VPS13C: variants seen among roughly 807,000 people sequenced by gnomAD.
VPS13C encodes vacuolar protein sorting 13 homolog C.
VPS13C carries 358 observed loss-of-function variants against 456.8 expected under a neutral mutation model. The observed-to-expected ratio is 0.78, with a 90% CI of 0.72 to 0.86. The LOEUF is 0.86. Ranked by LOEUF, VPS13C falls within the 40% of genes least tolerant of loss-of-function variation. The probability of loss-of-function intolerance (pLI) is 0.00; values close to 1 mark genes in which losing one functional copy is unlikely to be tolerated. For synonymous variants in VPS13C, 1,578 were observed against 1,486.7 expected, an observed-to-expected ratio of 1.06 and a Z score of -1.41; for missense variants, 4,818 against 4,385.4, an observed-to-expected ratio of 1.10 and a Z score of -2.79.
Position 61,858,192 on chromosome 15 carries a change from G to C in VPS13C, c.10953-1783C>G, listed in dbSNP as rs576054190. Among the ~76,000 whole-genome samples the C allele has an allele frequency of 6.6e-6, 1 of 152,104 alleles. No homozygotes were observed. Among genetic ancestry groups the C allele is most frequent in the African/African-American group, 2.4e-5 (1 of 41,504 alleles). On this transcript the variant is annotated intron_variant, in intron 82 of 84. Transcript: ENST00000644861. The surrounding 1 kb of genome is among the most constrained non-coding windows in gnomAD (Gnocchi z 4.4). Reference sequence around the variant, plus strand: ...AATACTACCGTTCTCCTTCCACCTAGAATGTCTCCTTCATTTTCTTCCTCT... The same window carrying C: ...AATACTACCGTTCTCCTTCCACCTACAATGTCTCCTTCATTTTCTTCCTCT...
chr15:61,996,994 C>CATATATATATATATATATATAT lies in VPS13C; in HGVS notation c.1353+3569_1353+3570insATATATATATATATATATATAT, dbSNP rs956530930. Among the ~76,000 whole-genome samples, 401 of 142,272 alleles carry CATATATATATATATATATATAT rather than the reference C, an allele frequency of 2.8e-3. 6 individuals carry two copies. The highest frequency in any genetic ancestry group is 0.011 in the African/African-American group (381 of 35,952). The allele number at this position is 142,272 out of a possible 152,430, so 93.3% of individuals were successfully genotyped here. A position where few individuals can be genotyped will look rare whatever the true frequency, so the allele number is the denominator to read the frequency against. On this transcript the variant is annotated intron_variant, in intron 16 of 84. Coordinates refer to ENST00000644861, the MANE Select transcript of VPS13C (RefSeq NM_020821.3). ...CATCCTTGCCTATATATTTTACATA[C>CATATATATATATATATATATAT]ATACATATATATATATATGTATAGA...
Position 61,910,288 on chromosome 15 carries a change from T to C in VPS13C, c.8733A>G (p.Pro2911=), listed in dbSNP as rs149819831. The C allele has an allele frequency of 4.1e-5, 63 of 1,521,592 alleles. 1 individual carries two copies. Among genetic ancestry groups the C allele is most frequent in the Non-Finnish European group, 5.3e-5 (60 of 1,128,992 alleles). The allele number at this position is 1,521,592 out of a possible 1,614,324, so 94.3% of individuals were successfully genotyped here. ...CACAAAGTTTGCCTGACAAACTTTC[T>C]GGCCAAAATGGAAGGCACTAAAAAT... ...IASSECLPFW[P]ESLSGKLCVR... Residue 2911 remains proline, a synonymous_variant, in exon 64 of 85, where the codon CCA becomes CCG. Coordinates refer to ENST00000644861, the MANE Select transcript of VPS13C (RefSeq NM_020821.3).
chr15:61,881,053 G>T, intron 71 of VPS13C, 99 bp from the exon 72 acceptor site: 1 of 926,216 alleles, frequency 1.1e-6, no homozygotes, highest in Non-Finnish European at 1.6e-6. Flanking sequence ...GTTATATCTT[G>T]TTCCTTCATC....
intron 37 of VPS13C, among the ~76,000 whole-genome samples, chr15:61,954,822 C>T (rs988151997): frequency 7.2e-5 from 11 of 152,190 alleles, no homozygotes; most frequent in Non-Finnish European, 1.3e-4. Flanking sequence ...CAGAACAAAG[C>T]GTGACACTGT....
At chr15:61,904,453 T>C (rs2043096605) in intron 66 of VPS13C, among the ~76,000 whole-genome samples, 1 of 148,834 alleles carries the variant, frequency 6.7e-6, no homozygotes, top group African/African-American at 2.5e-5. Flanking sequence ...AATGAGATTA[T>C]CTCACCCCAG....
rs1319735345 is a variant in VPS13C at position 61,854,065 on chromosome 15, A to C, written c.*392T>G. 5.7e-6 allele frequency: 1 copy of C among 175,450 alleles called. No individual in the cohort carries two copies. Among genetic ancestry groups the C allele is most frequent in the Admixed American group, 5.6e-5 (1 of 17,842 alleles). The allele number at this position is 175,450 out of a possible 1,614,324, so 10.9% of individuals were successfully genotyped here. A position where few individuals can be genotyped will look rare whatever the true frequency, so the allele number is the denominator to read the frequency against. ...TCAAAAAAAAAAAAAACCCCAAAAAAACAAAAATAAAAAAACCTTTCAAAG... is the reference window on the plus strand; with the variant it reads ...TCAAAAAAAAAAAAAACCCCAAAAACACAAAAATAAAAAAACCTTTCAAAG... On this transcript the variant is annotated 3_prime_UTR_variant, in exon 85 of 85. Coordinates refer to ENST00000644861, the MANE Select transcript of VPS13C (RefSeq NM_020821.3).
chr15:61,871,438 T>G lies in VPS13C; in HGVS notation c.10624+551A>C, dbSNP rs139053180. Among the ~76,000 whole-genome samples the G allele has an allele frequency of 1.7e-4, 26 of 152,270 alleles. No homozygotes were observed. The East Asian group carries it at 5.0e-3, about 29-fold the overall frequency. The stretch of plus-strand genomic sequence containing the variant: ...TATTTCTGACTCCTTCTGAACTCTA[T>G]TTCTGAATAGTATCCCACTGTTCTA... On this transcript the variant is annotated intron_variant, in intron 79 of 84. Transcript: ENST00000644861.
intron 8 of VPS13C, among the ~76,000 whole-genome samples, 183 bp downstream of exon 8, chr15:62,023,228 G>C (rs747177125): frequency 2.6e-5 from 4 of 151,754 alleles, no homozygotes; most frequent in Non-Finnish European, 5.9e-5. Context: ...TAATTTTATA[G>C]TATATTTATG....
intron 16 of VPS13C, among the ~76,000 whole-genome samples, chr15:61,997,286 T>G (rs1471718539): frequency 1.3e-5 from 2 of 152,170 alleles, no homozygotes; most frequent in Non-Finnish European, 2.9e-5. Context: ...AATCCCTTTA[T>G]GGTCACCTTT....
At chr15:62,058,784 G>A (rs2048888501) in intron 1 of VPS13C, among the ~76,000 whole-genome samples, 1 of 152,100 alleles carries the variant, frequency 6.6e-6, no homozygotes, top group African/African-American at 2.4e-5. Flanking sequence ...AGGCACTATA[G>A]CTCACACCTG....
At chr15:61,869,286 T>C (rs561543674) in intron 80 of VPS13C, among the ~76,000 whole-genome samples, 1 of 152,024 alleles carries the variant, frequency 6.6e-6, no homozygotes, top group East Asian at 1.9e-4. Flanking sequence ...CCCAACTAAT[T>C]TTTGTATTTT....
intron 9 of VPS13C, among the ~76,000 whole-genome samples, chr15:62,018,081 T>C (rs2140548660): frequency 6.6e-6 from 1 of 152,310 alleles, no homozygotes; most frequent in African/African-American, 2.4e-5. Context: ...GATTTGGCTC[T>C]CCGTTTGTCT....
intron 16 of VPS13C, among the ~76,000 whole-genome samples, chr15:61,994,586 T>C: frequency 6.7e-6 from 1 of 149,790 alleles, no homozygotes; most frequent in Non-Finnish European, 1.5e-5. Flanking sequence ...GGAATACTAT[T>C]CAGCTATCTT....
intron 39 of VPS13C, among the ~76,000 whole-genome samples, chr15:61,951,485 G>A (rs2140291140): frequency 6.6e-6 from 1 of 152,162 alleles, no homozygotes; most frequent in Non-Finnish European, 1.5e-5. Flanking sequence ...CTGAGGGAAG[G>A]ACATGAGACT....
At chr15:61,942,804 A>G (rs1204679654) in intron 45 of VPS13C, among the ~76,000 whole-genome samples, 1 of 152,106 alleles carries the variant, frequency 6.6e-6, no homozygotes. Flanking sequence ...AGAAAAGTAA[A>G]CATGATGGTT....
intron 45 of VPS13C, among the ~76,000 whole-genome samples, chr15:61,943,857 A>G (rs1023914212): frequency 1.3e-5 from 2 of 152,100 alleles, no homozygotes; most frequent in Non-Finnish European, 2.9e-5. Context: ...CAACCTACAA[A>G]ATAGAAAAAA....
At chr15:62,031,764 TC>T (rs1261767051) in intron 5 of VPS13C, among the ~76,000 whole-genome samples, 1 of 151,940 alleles carries the variant, frequency 6.6e-6, no homozygotes, top group Non-Finnish European at 1.5e-5. Context: ...CAGATGTACA[TC>T]CTTTATATCA....
At chr15:62,031,006 G>A (rs1052792046) in intron 5 of VPS13C, among the ~76,000 whole-genome samples, 1 of 151,894 alleles carries the variant, frequency 6.6e-6, no homozygotes, top group Non-Finnish European at 1.5e-5. Flanking sequence ...GCCTTACTAG[G>A]AATTTAATCT....
At chr15:61,865,468 T>C (rs1217012905) in intron 81 of VPS13C, 1 of 984,316 alleles carries the variant, frequency 1.0e-6, no homozygotes, top group Non-Finnish European at 1.2e-6. Flanking sequence ...GTTTTAAACG[T>C]TGCATGATCA....
Sources: allele counts gnomAD v4.1 joint callset (sites outside exome capture counted in the v4.1 genomes callset), GRCh38; gene constraint gnomAD v4.1.1; non-coding constraint Gnocchi (gnomAD v3.1); transcripts MANE v1.5; gene names NCBI Gene and HGNC (gene_info 2026-07-23, HGNC 2026-07-21).